The following PRKG1 variants were observed in gnomAD, a reference collection of about 807,000 sequenced individuals.
PRKG1 encodes protein kinase cGMP-dependent 1.
In PRKG1, 35 loss-of-function variants were observed where a neutral mutation model predicts 88.1. That is an observed-to-expected ratio of 0.40 (90% CI 0.30 to 0.53). The LOEUF is 0.53. Ranked by LOEUF, PRKG1 falls within the 20% of genes least tolerant of loss-of-function variation. The pLI, the probability that PRKG1 is intolerant of heterozygous loss-of-function variation, is 0.59. For missense variants in PRKG1, 540 were observed against 839.8 expected (o/e 0.64, Z 4.41); for synonymous variants, 303 against 292.5 (o/e 1.04, Z -0.37).
intron 4 of PRKG1, among the ~76,000 whole-genome samples, chr10:51,895,689 C>T (rs1472019375): frequency 6.6e-6 from 1 of 152,026 alleles, no homozygotes; most frequent in African/African-American, 2.4e-5. Context: ...GGTGGTTAGG[C>T]TCTTTCCGTC....
intron 5 of PRKG1, among the ~76,000 whole-genome samples, chr10:51,967,293 C>T (rs1043511219): frequency 6.6e-6 from 1 of 152,104 alleles, no homozygotes; most frequent in African/African-American, 2.4e-5. Context: ...CCATCATTCT[C>T]AGCAAACTAT....
intron 2 of PRKG1, among the ~76,000 whole-genome samples, chr10:51,419,743 A>G (rs1838355970): frequency 6.6e-6 from 1 of 152,118 alleles, no homozygotes; most frequent in African/African-American, 2.4e-5. Context: ...TGTGGAACCA[A>G]AAAAACGCCA....
intron 1 of PRKG1, among the ~76,000 whole-genome samples, chr10:51,137,907 T>G (rs1216588232): frequency 1.3e-5 from 2 of 152,176 alleles, no homozygotes; most frequent in Non-Finnish European, 2.9e-5. Flanking sequence ...AGAAGGTTGA[T>G]GATTAAATGT....
intron 7 of PRKG1, among the ~76,000 whole-genome samples, chr10:52,119,787 C>T (rs190013727): frequency 6.6e-6 from 1 of 152,212 alleles, no homozygotes; most frequent in African/African-American, 2.4e-5. Flanking sequence ...TTATTTTTTA[C>T]AGTTGGAAGT....
chr10:51,747,333 C>A (rs1256242767), intron 3 of PRKG1, among the ~76,000 whole-genome samples: 1 of 152,156 alleles, frequency 6.6e-6, no homozygotes, highest in Admixed American at 6.5e-5. Flanking sequence ...TGACTCTGGG[C>A]ACTCTCAGGT....
intron 2 of PRKG1, among the ~76,000 whole-genome samples, chr10:51,196,636 T>C (rs1424939079): frequency 6.6e-6 from 1 of 152,152 alleles, no homozygotes; most frequent in Non-Finnish European, 1.5e-5. Context: ...TGAGAAATAT[T>C]TGGGCTTGTG....
At chr10:51,531,308 C>A (rs182860131) in intron 3 of PRKG1, among the ~76,000 whole-genome samples, 4 of 152,082 alleles carry the variant, frequency 2.6e-5, no homozygotes, top group African/African-American at 4.8e-5. Flanking sequence ...ATAATCTTGA[C>A]GGTAACAATC....
At position 51,055,725 on chromosome 10, in the gene PRKG1, C is replaced by G. The variant is rs2660203; in HGVS notation, c.266+64081C>G. ...TGCAGTCCAGCCTGGGTGACTGAGC[C>G]AGACTCCGTCTCAAAAAAAAAATTT... On this transcript the variant is annotated intron_variant, in intron 1 of 17. Coordinates refer to the PRKG1 transcript ENST00000401604. Among the ~76,000 whole-genome samples, 757 of 150,484 alleles carry G rather than the reference C, an allele frequency of 5.0e-3. 5 individuals are homozygous for G. Among genetic ancestry groups the G allele is most frequent in the African/African-American group, 0.018 (719 of 40,066 alleles).
In PRKG1 at chr10:52,238,409, G is replaced by A. The variant is rs1352223008; in HGVS notation, c.1077-13161G>A. Among the ~76,000 whole-genome samples the A allele has an allele frequency of 5.7e-3, 846 of 148,604 alleles. 10 individuals carry two copies. Among genetic ancestry groups the A allele is most frequent in the African/African-American group, 0.02 (794 of 40,412 alleles). Reference sequence around the variant, plus strand: ...ACCTACAAAATGGGAGAAAATTTTCGCAACCTACTCATCTGACAAAGGGCT... The same window carrying A: ...ACCTACAAAATGGGAGAAAATTTTCACAACCTACTCATCTGACAAAGGGCT... On this transcript the variant is annotated intron_variant, in intron 9 of 17. Coordinates refer to ENST00000373980, the MANE Select transcript of PRKG1 (RefSeq NM_006258.4).
chr10:51,243,757 A>G (rs1326829657), intron 2 of PRKG1, among the ~76,000 whole-genome samples: 2 of 152,186 alleles, frequency 1.3e-5, no homozygotes, highest in Non-Finnish European at 2.9e-5. Flanking sequence ...ACTTAAATGC[A>G]CCTGGAAATG....
At chr10:51,744,416 T>G (rs1743152229) in intron 3 of PRKG1, among the ~76,000 whole-genome samples, 1 of 152,138 alleles carries the variant, frequency 6.6e-6, no homozygotes, top group Admixed American at 6.5e-5. Flanking sequence ...TGAGGAAACC[T>G]TGTTTCAAGT....
intron 1 of PRKG1, among the ~76,000 whole-genome samples, chr10:51,138,311 T>C (rs1388450225): frequency 1.3e-5 from 2 of 152,166 alleles, no homozygotes; most frequent in African/African-American, 4.8e-5. Flanking sequence ...CAGTCATTCT[T>C]CTGAATGGTG....
chr10:51,092,718 G>C (rs1341616335), intron 1 of PRKG1, among the ~76,000 whole-genome samples: 1 of 148,178 alleles, frequency 6.7e-6, no homozygotes, highest in Admixed American at 6.6e-5. Context: ...GTTTCAGTGT[G>C]AGAGAATAAA....
chr10:51,203,628 C>T (rs761410018), intron 2 of PRKG1, among the ~76,000 whole-genome samples: 5 of 152,170 alleles, frequency 3.3e-5, no homozygotes, highest in South Asian at 2.1e-4. Flanking sequence ...AAAAGACCTG[C>T]GCTTGAATCC....
intron 1 of PRKG1, among the ~76,000 whole-genome samples, chr10:51,116,922 A>G (rs7921037): frequency 0.8 from 121,161 of 151,988 alleles, 48,867 homozygotes; most frequent in South Asian, 0.88. Context: ...GAATCAGATA[A>G]GTGGCTGTTG....
intron 4 of PRKG1, among the ~76,000 whole-genome samples, chr10:51,876,249 G>A (rs768780592): frequency 7.9e-5 from 12 of 152,070 alleles, no homozygotes; most frequent in Admixed American, 3.3e-4. Flanking sequence ...CACACAGAGT[G>A]TAATATAGCT....
chr10:52,217,812 C>T (rs979387277), intron 9 of PRKG1, among the ~76,000 whole-genome samples: 1 of 152,132 alleles, frequency 6.6e-6, no homozygotes, highest in African/African-American at 2.4e-5. Flanking sequence ...TGTGGCTAGC[C>T]TTTCTTTTCC....
At chr10:51,858,961 G>A (rs930898565) in intron 4 of PRKG1, among the ~76,000 whole-genome samples, 10 of 151,914 alleles carry the variant, frequency 6.6e-5, no homozygotes, top group African/African-American at 2.4e-4. Flanking sequence ...GCTTCCCAAG[G>A]AGCTGATATC....
At position 50,991,327 on chromosome 10, in the gene PRKG1, C is replaced by A. The variant is rs921672676; in HGVS notation, c.-52C>A. 1.1e-5 allele frequency: 16 copies of A among 1,488,192 alleles called. No individual in the cohort carries two copies. Among genetic ancestry groups the A allele is most frequent in the African/African-American group, 1.5e-5 (1 of 66,202 alleles). 92.2% of individuals were successfully genotyped at this position (1,488,192 alleles called of 1,614,324 possible). On this transcript the variant is annotated 5_prime_UTR_variant, in exon 1 of 18. Transcript: ENST00000401604. This position sits in a 1 kb window ranked among gnomAD's most constrained non-coding sequence, Gnocchi z 4.5. ...GCCGTCCCAGCCGCCGCCGCCGCCG[C>A]CGCCGCCGCCGCCGCCCGAGAAAAA...
Sources: allele counts gnomAD v4.1 joint callset (sites outside exome capture counted in the v4.1 genomes callset), GRCh38; gene constraint gnomAD v4.1.1; non-coding constraint Gnocchi (gnomAD v3.1); transcripts MANE v1.5; gene names NCBI Gene and HGNC (gene_info 2026-07-23, HGNC 2026-07-21).